DDX46: variants seen among roughly 807,000 people sequenced by gnomAD.
DDX46 encodes probable ATP-dependent RNA helicase DDX46.
DDX46 carries 30 observed loss-of-function variants against 134.9 expected under a neutral mutation model. The ratio of observed to expected loss-of-function variants is 0.22; its 90% confidence interval spans 0.17 to 0.30. DDX46 has a LOEUF of 0.30. Among genes scored for constraint, DDX46 ranks in the 10% least tolerant of loss-of-function variants. The probability of loss-of-function intolerance (pLI) is 1.00; values close to 1 mark genes in which losing one functional copy is unlikely to be tolerated. For missense variants in DDX46, 622 were observed against 1,248.7 expected, an observed-to-expected ratio of 0.50 and a Z score of 7.56; for synonymous variants, 415 against 404.1, an observed-to-expected ratio of 1.03 and a Z score of -0.32.
intron 11 of DDX46, among the ~76,000 whole-genome samples, chr5:134,786,409 T>G (rs1754335735): frequency 6.6e-6 from 1 of 152,178 alleles, no homozygotes. Context: ...AAGCAGATTT[T>G]TTTTTTCATT....
At chr5:134,775,821 A>G (rs1024731930) in intron 5 of DDX46, among the ~76,000 whole-genome samples, 1 of 152,140 alleles carries the variant, frequency 6.6e-6, no homozygotes, top group African/African-American at 2.4e-5. Flanking sequence ...ATTCTAGACA[A>G]TCTAATCTTT....
intron 14 of DDX46, among the ~76,000 whole-genome samples, chr5:134,795,500 G>A (rs1275089694): frequency 6.6e-6 from 1 of 152,188 alleles, no homozygotes; most frequent in African/African-American, 2.4e-5. Context: ...TTAAAGACAA[G>A]TAAAATAAAA....
intron 18 of DDX46, among the ~76,000 whole-genome samples, chr5:134,815,524 G>A (rs1023617434): frequency 2.0e-5 from 3 of 151,712 alleles, no homozygotes; most frequent in East Asian, 1.9e-4. Context: ...TGCCTAACAC[G>A]GTGAAACCCC....
At chr5:134,819,076 G>A in intron 21 of DDX46, 72 bp downstream of exon 21, 1 of 1,523,210 alleles carries the variant, frequency 6.6e-7, no homozygotes, top group Non-Finnish European at 8.9e-7. Flanking sequence ...AACGCAAAGA[G>A]CATGTGAGGT....
chr5:134,807,779 A>T lies in DDX46; in HGVS notation c.1986A>T (p.Ile662=), dbSNP rs1755032821. ...ATCAATATGACAGAGATAGCATCAT[A>T]AATGACTTTAAGAATGGGACCTGCA... ...GIDQYDRDSI[I]NDFKNGTCKL... The change falls in exon 16 of 23, where the codon ATA becomes ATT. Residue 662 remains isoleucine, a synonymous_variant. Transcript: ENST00000452510. The T allele has an allele frequency of 6.2e-7, 1 of 1,614,168 alleles. No homozygotes were observed. Among genetic ancestry groups the T allele is most frequent in the African/African-American group, 1.3e-5 (1 of 75,056 alleles).
intron 21 of DDX46, among the ~76,000 whole-genome samples, chr5:134,822,492 C>G (rs972489485): frequency 1.8e-4 from 28 of 151,932 alleles, no homozygotes; most frequent in Non-Finnish European, 3.5e-4. Context: ...GCCACCATGC[C>G]TGGCTAATGA....
intron 12 of DDX46, among the ~76,000 whole-genome samples, chr5:134,789,903 A>G (rs927595980): frequency 1.3e-5 from 2 of 152,178 alleles, no homozygotes; most frequent in Non-Finnish European, 2.9e-5. Context: ...TTTGGTATTT[A>G]AAGTTTTTGT....
At chr5:134,799,445 A>T in intron 15 of DDX46, among the ~76,000 whole-genome samples, 1 of 151,506 alleles carries the variant, frequency 6.6e-6, no homozygotes, top group East Asian at 1.9e-4. Flanking sequence ...GAATATTTAA[A>T]AAAAAAAAAA....
In DDX46 at chr5:134,828,719, A is replaced by C. The variant is rs781548715; in HGVS notation, c.*13A>C. On this transcript the variant is annotated 3_prime_UTR_variant, in exon 23 of 23. Coordinates refer to ENST00000452510, the MANE Select transcript of DDX46 (RefSeq NM_001300860.2). Reference sequence around the variant, plus strand: ...CAAAGTCTTATAGACATCCGGAAAAAAGATTTTTACCTGTGCTGGTCTATG... The same window carrying C: ...CAAAGTCTTATAGACATCCGGAAAACAGATTTTTACCTGTGCTGGTCTATG... 6.7e-7 allele frequency: 1 copy of C among 1,498,420 alleles called. No individual in the cohort carries two copies. Among genetic ancestry groups the C allele is most frequent in the Non-Finnish European group, 8.9e-7 (1 of 1,127,180 alleles). 92.8% of individuals were successfully genotyped at this position (1,498,420 alleles called of 1,614,324 possible). A position where few individuals can be genotyped will look rare whatever the true frequency, so the allele number is the denominator to read the frequency against.
At chr5:134,764,618 G>C (rs1753501996) in intron 2 of DDX46, among the ~76,000 whole-genome samples, 1 of 152,126 alleles carries the variant, frequency 6.6e-6, no homozygotes, top group Admixed American at 6.6e-5. Flanking sequence ...ACTTTAGGCT[G>C]TATTTCCTGT....
chr5:134,808,773 A>G (rs1339460053), intron 16 of DDX46, among the ~76,000 whole-genome samples: 3 of 152,204 alleles, frequency 2.0e-5, no homozygotes, highest in Admixed American at 6.5e-5. Flanking sequence ...GAGGCAGCAG[A>G]CTAGTCTGTT....
chr5:134,775,853 A>G (rs1753918864), intron 5 of DDX46, among the ~76,000 whole-genome samples: 2 of 152,126 alleles, frequency 1.3e-5, no homozygotes, highest in Non-Finnish European at 2.9e-5. Flanking sequence ...GAGATATGCT[A>G]TCTTCTGTGA....
chr5:134,774,675 A>G (rs1180672043), intron 5 of DDX46, among the ~76,000 whole-genome samples: 2 of 152,112 alleles, frequency 1.3e-5, no homozygotes, highest in African/African-American at 4.8e-5. Context: ...CATGCTTTCA[A>G]GTGCCTCCTC....
intron 17 of DDX46, 139 bp from the exon 18 acceptor site, chr5:134,811,557 C>A: frequency 8.8e-7 from 1 of 1,130,220 alleles, no homozygotes; most frequent in Non-Finnish European, 1.2e-6. Flanking sequence ...CTATGTAGAG[C>A]TCTTAGTTTA....
chr5:134,824,535 C>T (rs1755538102), intron 21 of DDX46, among the ~76,000 whole-genome samples: 1 of 151,794 alleles, frequency 6.6e-6, no homozygotes, highest in African/African-American at 2.4e-5. Context: ...GCTGAGATGG[C>T]GCCACTGCAC....
rs529703551 is a variant in DDX46 at position 134,783,237 on chromosome 5, T to G, written c.1166+172T>G. 4.0e-5 allele frequency among the ~76,000 whole-genome samples: 6 copies of G among 150,872 alleles called. No homozygotes were observed. The South Asian group carries it at 1.1e-3, about 26-fold the overall frequency. The stretch of plus-strand genomic sequence containing the variant: ...TTTACCCTTTAAATTATACAACTGG[T>G]TTTTTTTTGTTTTGTTTTGTTTTGT... On this transcript the variant is annotated intron_variant, in intron 9 of 22. Coordinates refer to ENST00000452510, the MANE Select transcript of DDX46 (RefSeq NM_001300860.2).
chr5:134,790,755 C>T (rs563922637), intron 13 of DDX46, among the ~76,000 whole-genome samples: 6 of 152,206 alleles, frequency 3.9e-5, no homozygotes, highest in Middle Eastern at 3.4e-3. Flanking sequence ...GTATTTATAC[C>T]GGCATTTCTT....
At chr5:134,805,409 G>A (rs1389003281) in intron 15 of DDX46, among the ~76,000 whole-genome samples, 2 of 151,828 alleles carry the variant, frequency 1.3e-5, no homozygotes, top group South Asian at 2.1e-4. Flanking sequence ...CTTGTAATCC[G>A]CCCGCCTCGG....
intron 15 of DDX46, among the ~76,000 whole-genome samples, chr5:134,799,987 G>C (rs974015151): frequency 3.3e-5 from 5 of 152,134 alleles, no homozygotes; most frequent in African/African-American, 1.2e-4. Flanking sequence ...TCGCTCTGTC[G>C]CCCAGGCTGG....
Sources: gnomAD v4.1 joint callset for allele counts (sites outside exome capture counted in the v4.1 genomes callset) on GRCh38, gnomAD v4.1.1 for gene constraint, MANE v1.5 for transcripts, NCBI Gene and HGNC (gene_info 2026-07-23, HGNC 2026-07-21) for gene names.